CSMD1: variants seen among roughly 807,000 people sequenced by gnomAD.
The protein encoded by CSMD1 is CUB and Sushi multiple domains 1.
A neutral mutation model predicts 417.5 loss-of-function variants in CSMD1; 213 were observed. That is an observed-to-expected ratio of 0.51 (90% CI 0.46 to 0.57). The LOEUF is 0.57. CSMD1 is among the 20% of genes least tolerant of loss of function. The pLI is 0.00. For missense variants in CSMD1, 6,923 were observed against 4,529.7 expected (o/e 1.53, Z -15.17); for synonymous variants, 2,862 against 1,736.8 (o/e 1.65, Z -16.11).
intron 1 of CSMD1, among the ~76,000 whole-genome samples, chr8:4,715,517 C>T (rs2116883406): frequency 6.6e-6 from 1 of 152,278 alleles, no homozygotes; most frequent in Non-Finnish European, 1.5e-5. Context: ...ATCTCCAGAT[C>T]AGACTTCCCC....
intron 23 of CSMD1, among the ~76,000 whole-genome samples, chr8:3,341,398 C>T (rs940707918): frequency 6.6e-6 from 1 of 152,144 alleles, no homozygotes; most frequent in South Asian, 2.1e-4. Context: ...CTTTTTGCAT[C>T]ACCATGAGAA....
chr8:4,191,595 G>C (rs1015627508), intron 3 of CSMD1, among the ~76,000 whole-genome samples: 1 of 152,008 alleles, frequency 6.6e-6, no homozygotes, highest in Non-Finnish European at 1.5e-5. Flanking sequence ...TTCTTCAGCT[G>C]TTTAAGCTTT....
rs1017229109 is a variant in CSMD1, at chr8:3,853,788, G to A, written c.819-99746C>T. Among the ~76,000 whole-genome samples the A allele has an allele frequency of 5.3e-5, 8 of 151,202 alleles. No individual in the cohort carries two copies. In the Admixed American group the frequency reaches 5.3e-4, roughly 10 times the overall value. ...AATGCTAAATGACGAGTTACTGGGT[G>A]CAGCACACCAACATGGCACATGTAT... On this transcript the variant is annotated intron_variant, in intron 5 of 69. Transcript: ENST00000635120.
intron 3 of CSMD1, among the ~76,000 whole-genome samples, chr8:4,061,505 G>T (rs1798971775): frequency 1.3e-5 from 2 of 152,192 alleles, no homozygotes; most frequent in South Asian, 4.1e-4. Context: ...AAACTGTAAA[G>T]TAAGTAGGGA....
chr8:4,852,889 A>C (rs1348876793), intron 1 of CSMD1, among the ~76,000 whole-genome samples: 1 of 152,138 alleles, frequency 6.6e-6, no homozygotes, highest in Admixed American at 6.5e-5. Flanking sequence ...AGGCCCTAGG[A>C]ATCTGTGGAA....
chr8:4,937,446 G>C (rs2117219501), intron 1 of CSMD1, among the ~76,000 whole-genome samples: 1 of 152,198 alleles, frequency 6.6e-6, no homozygotes, highest in African/African-American at 2.4e-5. Context: ...TCTATGATGA[G>C]TAATACTAAG....
chr8:4,228,286 G>C (rs570947114), intron 3 of CSMD1, among the ~76,000 whole-genome samples: 8 of 152,108 alleles, frequency 5.3e-5, no homozygotes, highest in African/African-American at 1.7e-4. Context: ...GGTGCTGCTG[G>C]CCCTGGCAGT....
chr8:4,839,963 G>A (rs1245478181), intron 1 of CSMD1, among the ~76,000 whole-genome samples: 1 of 152,146 alleles, frequency 6.6e-6, no homozygotes, highest in Non-Finnish European at 1.5e-5. Context: ...AGTCTTCAGT[G>A]TTTGCAAGTG....
chr8:3,589,480 C>T (rs1180307096), intron 8 of CSMD1, among the ~76,000 whole-genome samples: 2 of 151,970 alleles, frequency 1.3e-5, no homozygotes, highest in East Asian at 1.9e-4. Context: ...TTTGTGACAA[C>T]ACAGTTGATC....
At chr8:4,411,202 G>A (rs1360293563) in intron 3 of CSMD1, among the ~76,000 whole-genome samples, 1 of 151,982 alleles carries the variant, frequency 6.6e-6, no homozygotes, top group East Asian at 1.9e-4. Flanking sequence ...AAATGAACTA[G>A]GAAACCCATC....
At chr8:4,555,399 C>A (rs1178835147) in intron 2 of CSMD1, among the ~76,000 whole-genome samples, 4 of 152,098 alleles carry the variant, frequency 2.6e-5, no homozygotes, top group Non-Finnish European at 5.9e-5. Context: ...TGGGTTTCCT[C>A]TCCAGCGCAG....
chr8:3,219,535 GC>G (rs1798082047), intron 28 of CSMD1, 93 bp from the exon 29 acceptor site: 8 of 921,660 alleles, frequency 8.7e-6, no homozygotes, highest in Non-Finnish European at 1.2e-5. Flanking sequence ...GATTTTATTT[GC>G]TTTTGTATAA....
intron 23 of CSMD1, among the ~76,000 whole-genome samples, chr8:3,336,558 G>A (rs1377446109): frequency 6.6e-6 from 1 of 152,184 alleles, no homozygotes; most frequent in Non-Finnish European, 1.5e-5. Context: ...ATTGAACAGA[G>A]TAAGGAACTA....
At chr8:3,241,331 C>T (rs1200959990) in intron 26 of CSMD1, among the ~76,000 whole-genome samples, 8 of 151,544 alleles carry the variant, frequency 5.3e-5, no homozygotes, top group Admixed American at 2.6e-4. Context: ...GCAAGGGAAA[C>T]AGGTCCTTGA....
At chr8:4,809,980 GTA>G (rs1453599167) in intron 1 of CSMD1, among the ~76,000 whole-genome samples, 24 of 152,316 alleles carry the variant, frequency 1.6e-4, no homozygotes, top group Admixed American at 5.2e-4. Context: ...GGTAATTACA[GTA>G]TTGTCAGGAA....
At chr8:3,007,364 G>A (rs538287647) in intron 52 of CSMD1, among the ~76,000 whole-genome samples, 1 of 151,848 alleles carries the variant, frequency 6.6e-6, no homozygotes, top group African/African-American at 2.4e-5. Flanking sequence ...TCAGTGTGGC[G>A]ATTCCTCAGG....
At chr8:3,545,886 T>C (rs1378266816) in intron 10 of CSMD1, among the ~76,000 whole-genome samples, 3 of 152,202 alleles carry the variant, frequency 2.0e-5, no homozygotes, top group South Asian at 2.1e-4. Context: ...AACTTAGTGA[T>C]GTAGCAATAA....
At chr8:4,510,413 A>T (rs1802756380) in intron 2 of CSMD1, among the ~76,000 whole-genome samples, 1 of 147,320 alleles carries the variant, frequency 6.8e-6, no homozygotes, top group African/African-American at 2.5e-5. Flanking sequence ...AAAAAAAAAA[A>T]AAAAAAAAAG....
At chr8:3,968,661 C>G (rs764054251) in intron 5 of CSMD1, among the ~76,000 whole-genome samples, 15 of 152,000 alleles carry the variant, frequency 9.9e-5, no homozygotes, top group Non-Finnish European at 1.5e-4. Flanking sequence ...TCCTAAATCC[C>G]GAAAGCTGAT....
Sources: allele counts gnomAD v4.1 joint callset (sites outside exome capture counted in the v4.1 genomes callset), GRCh38; gene constraint gnomAD v4.1.1; transcripts MANE v1.5; gene names NCBI Gene and HGNC (gene_info 2026-07-23, HGNC 2026-07-21).